EML1: variants seen among roughly 807,000 people sequenced by gnomAD.
The protein encoded by EML1 is echinoderm microtubule-associated protein-like 1.
In EML1, 27 loss-of-function variants were observed where a neutral mutation model predicts 110.4. That is an observed-to-expected ratio of 0.24 (90% CI 0.18 to 0.34). The LOEUF (loss-of-function observed/expected upper bound fraction) is 0.34, where lower values mean the gene tolerates loss of function less well. EML1 is among the 10% of genes least tolerant of loss of function. EML1 has a pLI of 1.00. For missense variants in EML1, 741 were observed against 1,030.9 expected (o/e 0.72, Z 3.85); for synonymous variants, 344 against 385.8 (o/e 0.89, Z 1.27).
Position 99,933,004 on chromosome 14 carries a change from G to C in EML1, c.1910-3025G>C, listed in dbSNP as rs190893784. Among the ~76,000 whole-genome samples, 365 of 152,164 alleles carry C rather than the reference G, an allele frequency of 2.4e-3. 1 individual carries two copies. The highest frequency in any genetic ancestry group is 8.4e-3 in the African/African-American group (348 of 41,520). ...ATAGTAGCGCACATCTGTAGTCCCA[G>C]CTACTCGGGAGACCATGGCAGGAGT... On this transcript the variant is annotated intron_variant, in intron 17 of 21. Coordinates refer to ENST00000262233, the MANE Select transcript of EML1 (RefSeq NM_004434.3).
At chr14:99,829,349 G>T (rs2058412140) in intron 1 of EML1, among the ~76,000 whole-genome samples, 1 of 152,036 alleles carries the variant, frequency 6.6e-6, no homozygotes, top group Non-Finnish European at 1.5e-5. Context: ...CAAAGTCTCT[G>T]GCCCAGAAGG....
At position 99,939,872 on chromosome 14, in the gene EML1, C is replaced by CCG. The variant is rs1326602352; in HGVS notation, c.2323-114_2323-113dup. 2.2e-4 allele frequency: 299 copies of CCG among 1,331,130 alleles called. 1 individual carries two copies. In the African/African-American group the frequency reaches 4.1e-3, roughly 18 times the overall value. 82.5% of individuals were successfully genotyped at this position (1,331,130 alleles called of 1,614,324 possible). A position where few individuals can be genotyped will look rare whatever the true frequency, so the allele number is the denominator to read the frequency against. On this transcript the variant is annotated intron_variant, in intron 21 of 21. Coordinates refer to ENST00000262233, the MANE Select transcript of EML1 (RefSeq NM_004434.3). The surrounding 1 kb of genome is among the most constrained non-coding windows in gnomAD (Gnocchi z 4.2). ...AGAGCAGGTTCCCAAGTGAGAGCTGCCGAGCGGAGGGCGAGTAAAGGAATT... is the reference window on the plus strand; with the variant it reads ...AGAGCAGGTTCCCAAGTGAGAGCTGCCGCGAGCGGAGGGCGAGTAAAGGAATT...
intron 1 of EML1, among the ~76,000 whole-genome samples, chr14:99,774,548 T>C (rs1479346873): frequency 1.3e-5 from 2 of 152,226 alleles, no homozygotes; most frequent in East Asian, 3.8e-4. Flanking sequence ...CAAGGGTTCA[T>C]GCTTGGCACG....
chr14:99,909,638 A>T (rs902928698), intron 11 of EML1, among the ~76,000 whole-genome samples, 159 bp downstream of exon 11: 1 of 152,174 alleles, frequency 6.6e-6, no homozygotes, highest in Non-Finnish European at 1.5e-5. Flanking sequence ...TAATGAAGTG[A>T]AGAAAAGGAC....
Position 99,775,555 on chromosome 14 carries a change from G to A in EML1, c.-27+1542G>A, listed in dbSNP as rs145214761. ...CATGGATGGACGTGACAGATCCCAC[G>A]CCAGCAAGGTTGATCTGGCACCATG... On this transcript the variant is annotated intron_variant, in intron 1 of 22. Coordinates refer to the EML1 transcript ENST00000327921. 3.9e-3 allele frequency among the ~76,000 whole-genome samples: 601 copies of A among 152,290 alleles called. 4 individuals carry two copies. Among genetic ancestry groups the A allele is most frequent in the Middle Eastern group, 6.8e-3 (2 of 294 alleles).
intron 1 of EML1, among the ~76,000 whole-genome samples, chr14:99,752,391 A>C (rs1390272345): frequency 6.6e-6 from 1 of 152,262 alleles, no homozygotes; most frequent in Non-Finnish European, 1.5e-5. Context: ...CAGGACGTCC[A>C]GCTGAATTTG....
intron 15 of EML1, 112 bp from the exon 16 acceptor site, chr14:99,917,670 C>A: frequency 2.0e-6 from 2 of 1,019,908 alleles, no homozygotes; most frequent in East Asian, 2.5e-5. Context: ...GCCATATAGC[C>A]CTAAGGAATT....
intron 2 of EML1, among the ~76,000 whole-genome samples, chr14:99,863,737 A>G (rs143837494): frequency 1.6e-4 from 24 of 152,378 alleles, no homozygotes; most frequent in Middle Eastern, 3.4e-3. Context: ...CACCTATCAG[A>G]GGACATCTTG....
chr14:99,920,963 T>A (rs2060120678), intron 17 of EML1, 86 bp downstream of exon 17: 1 of 1,295,302 alleles, frequency 7.7e-7, no homozygotes, highest in African/African-American at 1.5e-5. Flanking sequence ...TGTGTCGGTT[T>A]GTTACATAGG....
chr14:99,751,403 TCAA>T (rs2057173503), intron 1 of EML1, among the ~76,000 whole-genome samples: 2 of 152,162 alleles, frequency 1.3e-5, no homozygotes, highest in African/African-American at 4.8e-5. Flanking sequence ...TGCTGAATGG[TCAA>T]TCAGCCATTC....
chr14:99,914,974 C>G (rs1319625763), intron 15 of EML1: 6 of 446,152 alleles, frequency 1.3e-5, no homozygotes, highest in Non-Finnish European at 2.4e-5. Context: ...AGTACAGTCT[C>G]TCAACCATCC....
intron 4 of EML1, among the ~76,000 whole-genome samples, chr14:99,885,152 T>A (rs188496084): frequency 6.6e-6 from 1 of 152,328 alleles, no homozygotes; most frequent in East Asian, 1.9e-4. Flanking sequence ...AATAACTATT[T>A]GTTGAATGGA....
rs1176730498 is a variant in EML1, at chr14:99,897,127, A to G, written c.678-18A>G. On this transcript the variant is annotated intron_variant, in intron 6 of 21. Coordinates refer to ENST00000262233, the MANE Select transcript of EML1 (RefSeq NM_004434.3). ...AGCTCTTAAAGGGAAAAAAAATTTT[A>G]TCTTGACATCCACAAAGCTATGGGT... 4.6e-6 allele frequency: 7 copies of G among 1,513,852 alleles called. No individual in the cohort carries two copies. The highest frequency in any genetic ancestry group is 6.2e-6 in the Non-Finnish European group (7 of 1,131,540). The allele number at this position is 1,513,852 out of a possible 1,614,324, so 93.8% of individuals were successfully genotyped here. A position where few individuals can be genotyped will look rare whatever the true frequency, so the allele number is the denominator to read the frequency against.
At chr14:99,930,905 G>A (rs1296952057) in intron 17 of EML1, among the ~76,000 whole-genome samples, 1 of 152,178 alleles carries the variant, frequency 6.6e-6, no homozygotes, top group East Asian at 1.9e-4. Flanking sequence ...AGGTGCAACT[G>A]GTCATGCAAT....
rs866593184 is a variant in EML1 at position 99,785,451 on chromosome 14, A to T, written c.-27+11438A>T. ...GCCAAGAGCCTAAGAAAGGCAAGAG[A>T]TGGCAAGAGACTGTTCAGTTACTGT... On this transcript the variant is annotated intron_variant, in intron 1 of 22. Transcript: ENST00000327921. 2.6e-5 allele frequency among the ~76,000 whole-genome samples: 4 copies of T among 152,340 alleles called. No homozygotes were observed. The South Asian group carries it at 8.3e-4, about 32-fold the overall frequency.
chr14:99,753,287 A>G, intron 1 of EML1, among the ~76,000 whole-genome samples: 1 of 149,238 alleles, frequency 6.7e-6, no homozygotes, highest in African/African-American at 2.5e-5. Flanking sequence ...TTGGCGCTTC[A>G]GCTAACAAGA....
At chr14:99,739,065 A>AGAGTGTGTGTGTGT (rs1555385383) in intron 1 of EML1, among the ~76,000 whole-genome samples, 3 of 138,918 alleles carry the variant, frequency 2.2e-5, no homozygotes, top group South Asian at 2.4e-4. Flanking sequence ...AGAGTGTGAG[A>AGAGTGTGTGTGTGT]GTGTGTGTGT....
At chr14:99,828,342 G>C (rs1427421169) in intron 1 of EML1, among the ~76,000 whole-genome samples, 1 of 152,062 alleles carries the variant, frequency 6.6e-6, no homozygotes, top group Non-Finnish European at 1.5e-5. Flanking sequence ...TCATCCCTTT[G>C]TCCCATGCAC....
chr14:99,893,942 T>C (rs2059631056), intron 5 of EML1, among the ~76,000 whole-genome samples: 1 of 152,216 alleles, frequency 6.6e-6, no homozygotes, highest in South Asian at 2.1e-4. Context: ...TTTACTTTTG[T>C]CCCTATGATT....
Sources: gnomAD v4.1 joint callset for allele counts (sites outside exome capture counted in the v4.1 genomes callset) on GRCh38, gnomAD v4.1.1 for gene constraint, Gnocchi (gnomAD v3.1) non-coding constraint, MANE v1.5 for transcripts, NCBI Gene and HGNC (gene_info 2026-07-23, HGNC 2026-07-21) for gene names.